The following RAD51B variants were observed in gnomAD, a reference collection of about 807,000 sequenced individuals.
The protein encoded by RAD51B is DNA repair protein RAD51 homolog 2.
A neutral mutation model predicts 42.2 loss-of-function variants in RAD51B; 38 were observed. The ratio of observed to expected loss-of-function variants is 0.90; its 90% CI spans 0.70 to 1.18. The LOEUF is 1.18. RAD51B is among the 50% of genes most tolerant of loss of function. RAD51B has a pLI of 0.00. For synonymous variants in RAD51B, 154 were observed against 145.2 expected, an observed-to-expected ratio of 1.06 and a Z score of -0.43; for missense variants, 373 against 400.7, an observed-to-expected ratio of 0.93 and a Z score of 0.59.
intron 8 of RAD51B, among the ~76,000 whole-genome samples, chr14:68,323,288 G>A (rs1243120892): frequency 6.6e-6 from 1 of 152,134 alleles, no homozygotes; most frequent in Non-Finnish European, 1.5e-5. Flanking sequence ...CTGAGGGCAG[G>A]GTTTCTTAGA....
chr14:68,162,165 A>T (rs1376799463), intron 7 of RAD51B, among the ~76,000 whole-genome samples: 1 of 152,278 alleles, frequency 6.6e-6, no homozygotes, highest in Non-Finnish European at 1.5e-5. Flanking sequence ...ACATGTAGGT[A>T]TAATTAAGTT....
chr14:67,958,289 T>G (rs2074591485), intron 7 of RAD51B, among the ~76,000 whole-genome samples: 1 of 152,238 alleles, frequency 6.6e-6, no homozygotes, highest in Admixed American at 6.5e-5. Flanking sequence ...TTTCCTGGCT[T>G]CAGATTGATT....
At chr14:68,002,588 C>T (rs2075505928) in intron 7 of RAD51B, among the ~76,000 whole-genome samples, 1 of 152,134 alleles carries the variant, frequency 6.6e-6, no homozygotes. Flanking sequence ...GCATCTTCAT[C>T]ATGAAATCTT....
chr14:68,248,959 A>G (rs1371546095), intron 7 of RAD51B, among the ~76,000 whole-genome samples: 1 of 152,230 alleles, frequency 6.6e-6, no homozygotes. Context: ...GTCTGGGGGT[A>G]AGGCACCTGA....
At chr14:68,304,469 A>G (rs1387092043) in intron 8 of RAD51B, among the ~76,000 whole-genome samples, 70 of 152,320 alleles carry the variant, frequency 4.6e-4, no homozygotes, top group Non-Finnish European at 1.5e-5. Context: ...CTTCAAGATG[A>G]TCATACAACT....
At chr14:68,593,118 A>G (rs1405969114) in intron 10 of RAD51B, among the ~76,000 whole-genome samples, 1 of 152,214 alleles carries the variant, frequency 6.6e-6, no homozygotes, top group African/African-American at 2.4e-5. Flanking sequence ...CGGAACTGGA[A>G]CTGATTTATT....
intron 10 of RAD51B, among the ~76,000 whole-genome samples, chr14:68,568,538 C>A (rs1024435354): frequency 2.0e-5 from 3 of 152,222 alleles, no homozygotes; most frequent in Non-Finnish European, 2.9e-5. Context: ...AGAGCCCTAT[C>A]TTTCCTGGCC....
rs919195864 is a variant in RAD51B, at chr14:67,877,403, G to A, written c.453-8466G>A. ...CATATCCTCTTTCCACTGAACTGTG[G>A]TTGGAAAAAATGATTGACTCCGAGA... is the stretch of plus-strand genomic sequence containing the variant. On this transcript the variant is annotated intron_variant, in intron 5 of 10. Transcript: ENST00000471583. 2.6e-5 allele frequency among the ~76,000 whole-genome samples: 4 copies of A among 152,120 alleles called. No homozygotes were observed. In the East Asian group the frequency reaches 5.8e-4, roughly 22 times the overall value.
intron 7 of RAD51B, among the ~76,000 whole-genome samples, chr14:67,923,298 C>CTTTTTTT (rs34809964): frequency 7.1e-4 from 88 of 123,606 alleles, no homozygotes; most frequent in African/African-American, 1.8e-3. Context: ...TTTTCTTTTT[C>CTTTTTTT]TTTTTTTTTT....
At chr14:68,068,974 A>T (rs980749840) in intron 7 of RAD51B, among the ~76,000 whole-genome samples, 4 of 151,028 alleles carry the variant, frequency 2.6e-5, no homozygotes, top group Admixed American at 2.0e-4. Context: ...AGAAGAATTG[A>T]TTCTGACAAT....
intron 11 of RAD51B, among the ~76,000 whole-genome samples, chr14:68,657,751 G>C (rs1424571200): frequency 3.3e-5 from 5 of 152,260 alleles, no homozygotes; most frequent in Non-Finnish European, 7.3e-5. Flanking sequence ...AGCAGGTCCA[G>C]AAGTGCCAGG....
At chr14:68,033,179 T>G (rs2076073333) in intron 7 of RAD51B, among the ~76,000 whole-genome samples, 1 of 152,198 alleles carries the variant, frequency 6.6e-6, no homozygotes, top group South Asian at 2.1e-4. Flanking sequence ...CCATTAAAAT[T>G]TTGTTAAATG....
intron 7 of RAD51B, among the ~76,000 whole-genome samples, chr14:67,986,109 T>C (rs1173793975): frequency 6.6e-6 from 1 of 152,186 alleles, no homozygotes; most frequent in African/African-American, 2.4e-5. Context: ...TGTGCGCAAG[T>C]TGAGTCCTCT....
At chr14:68,653,071 C>T (rs1367439546) in intron 11 of RAD51B, among the ~76,000 whole-genome samples, 2 of 152,270 alleles carry the variant, frequency 1.3e-5, no homozygotes, top group Non-Finnish European at 2.9e-5. Flanking sequence ...TGTCAATATG[C>T]TTGTTCACTC....
At chr14:67,887,315 A>T (rs750320583) in intron 7 of RAD51B, 111 bp downstream of exon 7, 33 of 990,078 alleles carry the variant, frequency 3.3e-5, no homozygotes, top group Non-Finnish European at 4.7e-5. Flanking sequence ...TGTAAAACAG[A>T]TGACTTTTTA....
intron 7 of RAD51B, among the ~76,000 whole-genome samples, chr14:68,019,297 G>T (rs1359833851): frequency 6.6e-6 from 1 of 152,156 alleles, no homozygotes; most frequent in East Asian, 1.9e-4. Context: ...TAGAATGGTG[G>T]CAGTGGCAAA....
intron 10 of RAD51B, among the ~76,000 whole-genome samples, chr14:68,626,859 A>AGGCT (rs2140119453): frequency 6.6e-6 from 1 of 152,324 alleles, no homozygotes; most frequent in Non-Finnish European, 1.5e-5. Context: ...AAAGAACTAA[A>AGGCT]GGCTGCCATC....
intron 10 of RAD51B, among the ~76,000 whole-genome samples, chr14:68,518,973 G>A (rs1398654177): frequency 2.6e-5 from 4 of 152,198 alleles, no homozygotes; most frequent in East Asian, 1.9e-4. Context: ...GGAGGCATCC[G>A]GCCACTTCCA....
chr14:68,354,546 GT>G (rs1202176260), intron 8 of RAD51B, among the ~76,000 whole-genome samples: 3 of 150,162 alleles, frequency 2.0e-5, no homozygotes, highest in African/African-American at 7.3e-5. Flanking sequence ...AATGAAGTTT[GT>G]CACTTCTGCA....
Sources: gnomAD v4.1 joint callset for allele counts (sites outside exome capture counted in the v4.1 genomes callset) on GRCh38, gnomAD v4.1.1 for gene constraint, MANE v1.5 for transcripts, NCBI Gene and HGNC (gene_info 2026-07-23, HGNC 2026-07-21) for gene names.